Variants in PCDHA8 observed in about 807,000 individuals in gnomAD.
PCDHA8 encodes the protein protocadherin alpha 8.
Under a neutral mutation model 61.8 loss-of-function variants are expected in PCDHA8, and 53 were observed. The ratio of observed to expected loss-of-function variants is 0.86; its 90% CI spans 0.69 to 1.08. The LOEUF (loss-of-function observed/expected upper bound fraction) is 1.08, where lower values mean the gene tolerates loss of function less well. PCDHA8 is among the 50% of genes least tolerant of loss of function. The pLI is 0.00. For missense variants in PCDHA8, 1,293 were observed against 1,245.0 expected (o/e 1.04, Z -0.58); for synonymous variants, 618 against 556.6 (o/e 1.11, Z -1.55).
rs2150531861 is a variant in PCDHA8, at chr5:140,853,433, C to T, written c.2394+9718C>T. Reference sequence around the variant, plus strand: ...AGGTGAAAGCAGAAGAGACACTTTCCTATTTTGCCTAATAGGTCTCCTTAT... The same window carrying T: ...AGGTGAAAGCAGAAGAGACACTTTCTTATTTTGCCTAATAGGTCTCCTTAT... On this transcript the variant is annotated intron_variant, in intron 1 of 3. Coordinates refer to ENST00000531613, the MANE Select transcript of PCDHA8 (RefSeq NM_018911.3). The T allele has an allele frequency of 2.1e-5, 21 of 984,946 alleles. 3 individuals carry two copies. The highest frequency in any genetic ancestry group is 2.3e-5 in the Non-Finnish European group (19 of 817,128). 61.0% of individuals were successfully genotyped at this position (984,946 alleles called of 1,614,324 possible).
rs1417352469 is a variant in PCDHA8 at position 140,875,131 on chromosome 5, G to A, written c.2394+31416G>A. ...AATATCATGTATATTAACTAAACCC[G>A]CATTTATAAATGATCCGTGAAAAAT... On this transcript the variant is annotated intron_variant, in intron 1 of 3. Coordinates refer to ENST00000531613, the MANE Select transcript of PCDHA8 (RefSeq NM_018911.3). Among the ~76,000 whole-genome samples, 5 of 152,228 alleles carry A rather than the reference G, an allele frequency of 3.3e-5. No individual in the cohort carries two copies. The East Asian group carries it at 9.6e-4, about 29-fold the overall frequency.
At position 140,883,599 on chromosome 5, in the gene PCDHA8, G is replaced by A. The variant is rs1562791244; in HGVS notation, c.2394+39884G>A. ...TGGGCCACGGCCAGCGTGTCGGTGG[G>A]GGTGGCCGACGTGAACGACAACGCG... On this transcript the variant is annotated intron_variant, in intron 1 of 3. Coordinates refer to ENST00000531613, the MANE Select transcript of PCDHA8 (RefSeq NM_018911.3). 4 of 1,614,016 alleles carry A rather than the reference G, an allele frequency of 2.5e-6. No homozygotes were observed. Among genetic ancestry groups the A allele is most frequent in the Non-Finnish European group, 3.4e-6 (4 of 1,179,942 alleles).
At chr5:140,903,500 G>A (rs553764100) in intron 1 of PCDHA8, among the ~76,000 whole-genome samples, 1 of 152,184 alleles carries the variant, frequency 6.6e-6, no homozygotes, top group African/African-American at 2.4e-5. Flanking sequence ...AGGTACCATA[G>A]ATAATAGTTC....
chr5:140,913,103 G>A (rs2076206771), intron 1 of PCDHA8, among the ~76,000 whole-genome samples: 1 of 152,144 alleles, frequency 6.6e-6, no homozygotes, highest in Admixed American at 6.5e-5. Context: ...TGGCCTCATA[G>A]AATCAGTTTG....
Position 140,842,567 on chromosome 5 carries a change from G to A in PCDHA8, c.1246G>A (p.Glu416Lys). ...GGTGCTGGACAGCGCCCTGGACCGC[G>A]AGAGAGTGTCGGCCTATGAGTTGGT... ...SLVLDSALDR[E>K]RVSAYELVVT... is the part of the protein sequence containing the mutation. The change falls in exon 1 of 4, where the codon GAG (glutamate) becomes AAG (lysine). Residue 416 changes from glutamate (E) to lysine (K), a missense_variant. Coordinates refer to ENST00000531613, the MANE Select transcript of PCDHA8 (RefSeq NM_018911.3). 2 of 1,504,984 alleles carry A rather than the reference G, an allele frequency of 1.3e-6. No individual in the cohort carries two copies. The highest frequency in any genetic ancestry group is 1.8e-6 in the Non-Finnish European group (2 of 1,108,156). The allele number at this position is 1,504,984 out of a possible 1,614,324, so 93.2% of individuals were successfully genotyped here.
intron 3 of PCDHA8, among the ~76,000 whole-genome samples, chr5:141,006,727 G>A (rs2098285106): frequency 6.6e-6 from 1 of 152,080 alleles, no homozygotes. Context: ...AGAAATGACA[G>A]GTCTTGATGA....
At chr5:140,881,361 C>A (rs990387338) in intron 1 of PCDHA8, 6 of 985,126 alleles carry the variant, frequency 6.1e-6, no homozygotes, top group Non-Finnish European at 7.2e-6. Context: ...GCGTGGCTTT[C>A]GTATGAATTG....
chr5:140,857,161 C>G (rs782653443), intron 1 of PCDHA8: 1 of 1,598,332 alleles, frequency 6.3e-7, no homozygotes, highest in Non-Finnish European at 8.6e-7. Flanking sequence ...TTGCCCTAAT[C>G]AGCGTTTCTG....
In PCDHA8 at chr5:140,841,738, G is replaced by A. The variant is rs2150321831; in HGVS notation, c.417G>A (p.Lys139=). The A allele has an allele frequency of 1.9e-6, 3 of 1,613,784 alleles. No homozygotes were observed. Among genetic ancestry groups the A allele is most frequent in the South Asian group, 1.1e-5 (1 of 91,074 alleles). ...NPPVFRVKDQ[K]LFVSESRMPD... ...CAGTGTTCCGGGTAAAAGACCAAAA[G>A]CTGTTTGTTTCAGAATCCAGAATGC... The change falls in exon 1 of 4, where the codon AAG becomes AAA. Residue 139 remains lysine (K), a synonymous_variant. Coordinates refer to ENST00000531613, the MANE Select transcript of PCDHA8 (RefSeq NM_018911.3).
chr5:140,883,447 C>A, intron 1 of PCDHA8: 1 of 1,614,168 alleles, frequency 6.2e-7, no homozygotes. Context: ...CGCCGCATGT[C>A]CCCTTCAAGC....
At chr5:141,001,653 G>A (rs2098030504) in intron 3 of PCDHA8, among the ~76,000 whole-genome samples, 1 of 152,182 alleles carries the variant, frequency 6.6e-6, no homozygotes, top group African/African-American at 2.4e-5. Context: ...TGTGGGAGAA[G>A]GCGGAGCTTG....
chr5:140,968,989 C>T, intron 1 of PCDHA8: 1 of 1,614,234 alleles, frequency 6.2e-7, no homozygotes, highest in Non-Finnish European at 8.5e-7. Flanking sequence ...GCACTGCATG[C>T]TGTGGAGGCT....
At chr5:140,891,025 T>G (rs1554184622) in intron 1 of PCDHA8, among the ~76,000 whole-genome samples, 1 of 151,814 alleles carries the variant, frequency 6.6e-6, no homozygotes, top group African/African-American at 2.4e-5. Flanking sequence ...TCTGAGGGTA[T>G]AATCTTAGGT....
intron 1 of PCDHA8, among the ~76,000 whole-genome samples, chr5:140,978,370 A>T (rs78042832): frequency 6.6e-6 from 1 of 152,200 alleles, no homozygotes; most frequent in Non-Finnish European, 1.5e-5. Context: ...AAACTCTGCA[A>T]TAGTTTGTTT....
intron 1 of PCDHA8, among the ~76,000 whole-genome samples, chr5:140,890,049 G>T (rs1488374417): frequency 1.3e-5 from 2 of 152,158 alleles, no homozygotes; most frequent in Non-Finnish European, 2.9e-5. Flanking sequence ...GTGTGTTGGA[G>T]CTGGCTCTTT....
intron 1 of PCDHA8, among the ~76,000 whole-genome samples, chr5:140,846,219 G>A (rs1780263856): frequency 6.7e-6 from 1 of 149,418 alleles, no homozygotes; most frequent in South Asian, 2.1e-4. Flanking sequence ...TCCATTAATA[G>A]TATTTTTCTT....
intron 1 of PCDHA8, among the ~76,000 whole-genome samples, chr5:140,970,696 C>T (rs2096425637): frequency 6.6e-6 from 1 of 152,144 alleles, no homozygotes; most frequent in Admixed American, 6.5e-5. Flanking sequence ...GCTTTTAGAG[C>T]TACTACACAA....
At position 140,850,386 on chromosome 5, in the gene PCDHA8, A is replaced by G. The variant is rs2041574061; in HGVS notation, c.2394+6671A>G. ...CCGCGTGGGGCTGTACACGGGCGAGATCAGCACAACGCGTGCCCTGGACGA... is the reference window on the plus strand; with the variant it reads ...CCGCGTGGGGCTGTACACGGGCGAGGTCAGCACAACGCGTGCCCTGGACGA... On this transcript the variant is annotated intron_variant, in intron 1 of 3. Coordinates refer to ENST00000531613, the MANE Select transcript of PCDHA8 (RefSeq NM_018911.3). 1.3e-6 allele frequency: 2 copies of G among 1,597,858 alleles called. 1 individual carries two copies. Among genetic ancestry groups the G allele is most frequent in the South Asian group, 2.2e-5 (2 of 90,510 alleles).
intron 1 of PCDHA8, chr5:140,883,989 G>A (rs1554180956): frequency 6.2e-7 from 1 of 1,612,952 alleles, no homozygotes; most frequent in Non-Finnish European, 8.5e-7. Flanking sequence ...GGCAGCGCGG[G>A]AGGCACAGTG....
Sources: gnomAD v4.1 joint callset for allele counts (sites outside exome capture counted in the v4.1 genomes callset) on GRCh38, gnomAD v4.1.1 for gene constraint, MANE v1.5 for transcripts, NCBI Gene and HGNC (gene_info 2026-07-23, HGNC 2026-07-21) for gene names.